Variants in GRIK1 observed in about 807,000 individuals in gnomAD.
GRIK1 encodes glutamate ionotropic receptor kainate type subunit 1, also known as glutamate receptor ionotropic, kainate 1.
GRIK1 carries 69 observed loss-of-function variants against 105.7 expected under a neutral mutation model. The ratio of observed to expected loss-of-function variants is 0.65; its 90% confidence interval spans 0.54 to 0.80. The LOEUF is 0.80. GRIK1 is among the 30% of genes least tolerant of loss of function. GRIK1 has a pLI of 0.00. For missense variants in GRIK1, 1,109 were observed against 1,167.3 expected (o/e 0.95, Z 0.73); for synonymous variants, 438 against 431.3 (o/e 1.02, Z -0.19).
intron 1 of GRIK1, among the ~76,000 whole-genome samples, chr21:29,857,952 T>G (rs1414872783): frequency 1.3e-5 from 2 of 152,150 alleles, no homozygotes; most frequent in Non-Finnish European, 2.9e-5. Context: ...CAGTCTGGAG[T>G]GCGGTGTCAC....
intron 14 of GRIK1, among the ~76,000 whole-genome samples, chr21:29,562,716 T>G (rs1245300304): frequency 6.8e-6 from 1 of 147,026 alleles, no homozygotes; most frequent in Non-Finnish European, 1.5e-5. Context: ...GTGTATAATT[T>G]TAATTGTAAT....
chr21:29,886,583 C>T (rs1463849076), intron 1 of GRIK1, among the ~76,000 whole-genome samples: 1 of 151,950 alleles, frequency 6.6e-6, no homozygotes, highest in East Asian at 1.9e-4. Context: ...CAACTTCGTA[C>T]TTAAAAAAAA....
intron 1 of GRIK1, among the ~76,000 whole-genome samples, chr21:29,773,470 T>C (rs2065864234): frequency 6.6e-6 from 1 of 152,200 alleles, no homozygotes; most frequent in Non-Finnish European, 1.5e-5. Context: ...TGGGCAATTC[T>C]TCTTGACATA....
At chr21:29,732,991 A>G (rs2064679553) in intron 1 of GRIK1, among the ~76,000 whole-genome samples, 1 of 152,208 alleles carries the variant, frequency 6.6e-6, no homozygotes, top group Non-Finnish European at 1.5e-5. Context: ...TCATTTAAGT[A>G]GCATGTGGCA....
At chr21:29,555,324 T>C in intron 15 of GRIK1, 22 bp from the exon 16 acceptor site, 1 of 1,603,694 alleles carries the variant, frequency 6.2e-7, no homozygotes, top group Non-Finnish European at 8.5e-7. Context: ...ACCATCTGGA[T>C]ATTGGTCACC....
intron 17 of GRIK1, 79 bp from the exon 18 acceptor site, chr21:29,537,464 T>G: frequency 8.7e-7 from 1 of 1,145,780 alleles, no homozygotes; most frequent in Non-Finnish European, 1.3e-6. Flanking sequence ...GCCTAGGTAT[T>G]TATGAACACA....
chr21:29,553,305 G>T (rs1450631913), intron 16 of GRIK1: 4 of 1,095,042 alleles, frequency 3.7e-6, no homozygotes, highest in Non-Finnish European at 4.4e-6. Context: ...AAGATGATGA[G>T]TGGGACAGAG....
intron 1 of GRIK1, among the ~76,000 whole-genome samples, chr21:29,715,015 C>G (rs373139142): frequency 4.6e-5 from 7 of 152,142 alleles, no homozygotes; most frequent in African/African-American, 1.7e-4. Context: ...ATAGGATAAG[C>G]AGTAGTGAAT....
In GRIK1 at chr21:29,605,133, T is replaced by A. The variant is rs117741913; in HGVS notation, c.1099-6196A>T. ...TTGTTACACAGGTAAACGTGTGCCATGGTGTTTTGCTTCACAGATCATCCC... is the reference window on the plus strand; with the variant it reads ...TTGTTACACAGGTAAACGTGTGCCAAGGTGTTTTGCTTCACAGATCATCCC... On this transcript the variant is annotated intron_variant, in intron 7 of 17. Transcript: ENST00000327783. Among the ~76,000 whole-genome samples, 413 of 152,206 alleles carry A rather than the reference T, an allele frequency of 2.7e-3. 6 individuals are homozygous for A. In the East Asian group the frequency reaches 0.055, roughly 20 times the overall value.
At chr21:29,653,392 C>T (rs551364262) in intron 5 of GRIK1, among the ~76,000 whole-genome samples, 3 of 152,176 alleles carry the variant, frequency 2.0e-5, no homozygotes, top group Non-Finnish European at 2.9e-5. Context: ...GTCTAAAATC[C>T]GATTTGCTAC....
intron 1 of GRIK1, among the ~76,000 whole-genome samples, chr21:29,723,820 A>G (rs867659147): frequency 4.5e-4 from 69 of 151,964 alleles, no homozygotes; most frequent in Admixed American, 3.6e-3. Flanking sequence ...TTTTTACTCT[A>G]TCTATACTTT....
At chr21:29,672,218 C>A (rs1277022371) in intron 4 of GRIK1, among the ~76,000 whole-genome samples, 1 of 151,800 alleles carries the variant, frequency 6.6e-6, no homozygotes, top group Admixed American at 6.6e-5. Flanking sequence ...CCACCATGCC[C>A]GGCTAATTTC....
chr21:29,697,520 A>T (rs1313901761), intron 1 of GRIK1, among the ~76,000 whole-genome samples: 1 of 152,114 alleles, frequency 6.6e-6, no homozygotes, highest in Non-Finnish European at 1.5e-5. Context: ...GAATGGTGTC[A>T]TTAGCTCAAG....
chr21:29,758,799 T>C (rs998777185), intron 1 of GRIK1: 1 of 152,724 alleles, frequency 6.5e-6, no homozygotes, highest in Non-Finnish European at 1.5e-5. Flanking sequence ...AGTGAGATAA[T>C]GGACCCTCTT....
intron 1 of GRIK1, among the ~76,000 whole-genome samples, chr21:29,708,561 G>A (rs1436215825): frequency 1.3e-5 from 2 of 152,186 alleles, no homozygotes; most frequent in Admixed American, 6.5e-5. Flanking sequence ...CATGGGGTTG[G>A]TTGGGGCTGT....
intron 14 of GRIK1, among the ~76,000 whole-genome samples, chr21:29,567,471 A>G (rs2090637064): frequency 2.0e-5 from 3 of 152,294 alleles, no homozygotes; most frequent in Admixed American, 6.5e-5. Flanking sequence ...GATTTTATAT[A>G]TCGATCTGTG....
At chr21:29,594,528 C>G (rs1320942173) in intron 9 of GRIK1, among the ~76,000 whole-genome samples, 1 of 152,190 alleles carries the variant, frequency 6.6e-6, no homozygotes, top group African/African-American at 2.4e-5. Context: ...TGGGGAGGAG[C>G]ACTCAATATC....
At chr21:29,758,479 C>A (rs1465078088) in intron 1 of GRIK1, among the ~76,000 whole-genome samples, 1 of 152,144 alleles carries the variant, frequency 6.6e-6, no homozygotes, top group Non-Finnish European at 1.5e-5. Flanking sequence ...ACGGGAAAGA[C>A]CTGCCCCCAA....
intron 1 of GRIK1, among the ~76,000 whole-genome samples, chr21:29,862,160 T>A (rs1224693781): frequency 2.0e-5 from 3 of 152,076 alleles, no homozygotes; most frequent in South Asian, 2.1e-4. Flanking sequence ...CTAATTGTCT[T>A]ATTTTTTTGT....
Sources: gnomAD v4.1 joint callset for allele counts (sites outside exome capture counted in the v4.1 genomes callset) on GRCh38, gnomAD v4.1.1 for gene constraint, MANE v1.5 for transcripts, NCBI Gene and HGNC (gene_info 2026-07-23, HGNC 2026-07-21) for gene names.